Variants in USP28 observed in about 807,000 individuals in gnomAD.
USP28 encodes the protein ubiquitin specific peptidase 28.
Under a neutral mutation model 145.0 loss-of-function variants are expected in USP28, and 113 were observed. The ratio of observed to expected loss-of-function variants is 0.78; its 90% CI spans 0.67 to 0.91. The LOEUF is 0.91. USP28 is among the 40% of genes least tolerant of loss of function. The probability of loss-of-function intolerance (pLI) is 0.00; values close to 1 mark genes in which losing one functional copy is unlikely to be tolerated. For synonymous variants in USP28, 447 were observed against 450.9 expected (o/e 0.99, Z 0.11); for missense variants, 1,201 against 1,289.6 (o/e 0.93, Z 1.05).
intron 3 of USP28, among the ~76,000 whole-genome samples, chr11:113,850,090 G>A (rs1395488354): frequency 6.6e-6 from 1 of 152,090 alleles, no homozygotes; most frequent in Non-Finnish European, 1.5e-5. Flanking sequence ...CACAGGAGAA[G>A]GGTGACAATT....
intron 3 of USP28, among the ~76,000 whole-genome samples, chr11:113,846,881 G>A (rs1160492841): frequency 1.3e-5 from 2 of 152,094 alleles, no homozygotes; most frequent in Non-Finnish European, 2.9e-5. Flanking sequence ...AGTAATCCCA[G>A]CTACTCGGGA....
chr11:113,840,468 TA>T, intron 5 of USP28, 129 bp downstream of exon 5: 1 of 1,196,770 alleles, frequency 8.4e-7, no homozygotes, highest in South Asian at 1.6e-5. Flanking sequence ...CCATACACAA[TA>T]ATGCCAGAAA....
exon 10 of USP28, chr11:113,829,301 G>T: frequency 6.2e-7 from 1 of 1,614,172 alleles, no homozygotes; most frequent in South Asian, 1.1e-5. Flanking sequence ...CCGTTTACCT[G>T]AAGAGGATAC....
At chr11:113,861,463 A>G (rs1947687650) in intron 1 of USP28, among the ~76,000 whole-genome samples, 1 of 152,238 alleles carries the variant, frequency 6.6e-6, no homozygotes, top group East Asian at 1.9e-4. Flanking sequence ...AAAACCATTA[A>G]AAGTGTTTAA....
At chr11:113,852,629 C>T (rs1946599493) in exon 3 of USP28, 2 of 1,613,986 alleles carry the variant, frequency 1.2e-6, no homozygotes, top group East Asian at 4.5e-5. Context: ...GTCACCATTA[C>T]TGGCCTATGG....
chr11:113,817,195 C>T (rs1941867689), intron 13 of USP28, among the ~76,000 whole-genome samples: 1 of 152,098 alleles, frequency 6.6e-6, no homozygotes, highest in Non-Finnish European at 1.5e-5. Context: ...CTAGAGAAGC[C>T]CCTCTAAGCT....
intron 5 of USP28, among the ~76,000 whole-genome samples, chr11:113,836,964 G>C (rs1565427365): frequency 6.6e-6 from 1 of 152,052 alleles, no homozygotes; most frequent in Non-Finnish European, 1.5e-5. Context: ...CCTCTACCTG[G>C]AATGTTTTTT....
At chr11:113,872,341 G>C (rs1948903333) in intron 1 of USP28, among the ~76,000 whole-genome samples, 3 of 152,100 alleles carry the variant, frequency 2.0e-5, no homozygotes, top group Admixed American at 2.0e-4. Context: ...AGAAACATCA[G>C]CCGGGCGTGG....
intron 1 of USP28, among the ~76,000 whole-genome samples, chr11:113,873,138 A>C (rs1281107332): frequency 6.6e-6 from 1 of 152,210 alleles, no homozygotes; most frequent in Admixed American, 6.5e-5. Context: ...AGAGAGTTCA[A>C]AATAAAAGAA....
chr11:113,817,801 C>T (rs150596667), exon 13 of USP28: 59 of 1,614,110 alleles, frequency 3.7e-5, no homozygotes, highest in East Asian at 2.9e-4. Flanking sequence ...TGTCCGGGAG[C>T]GGGAACCGAG....
At chr11:113,812,678 C>A (rs1488413828) in intron 15 of USP28, among the ~76,000 whole-genome samples, 174 bp from the exon 16 acceptor site, 1 of 152,212 alleles carries the variant, frequency 6.6e-6, no homozygotes, top group East Asian at 1.9e-4. Flanking sequence ...TCAATTATGT[C>A]TCAGTTCCAA....
intron 21 of USP28, 112 bp downstream of exon 22, chr11:113,804,561 A>T: frequency 1.1e-6 from 1 of 886,064 alleles, no homozygotes; most frequent in Non-Finnish European, 1.7e-6. Context: ...TTGAGGGGAA[A>T]GTGGAAGAAC....
intron 3 of USP28, among the ~76,000 whole-genome samples, chr11:113,846,981 C>T (rs538487518): frequency 1.3e-5 from 2 of 152,194 alleles, no homozygotes; most frequent in East Asian, 1.9e-4. Flanking sequence ...GGTGACAGAG[C>T]GAGCTTCCTT....
intron 11 of USP28, among the ~76,000 whole-genome samples, chr11:113,826,872 T>C (rs1397266627): frequency 2.0e-5 from 3 of 150,848 alleles, no homozygotes; most frequent in Non-Finnish European, 2.9e-5. Context: ...TGAGCCGAGA[T>C]TGCGCCATTG....
intron 4 of USP28, 33 bp downstream of exon 4, chr11:113,841,630 T>C (rs1945202652): frequency 6.9e-7 from 1 of 1,452,944 alleles, no homozygotes; most frequent in African/African-American, 1.4e-5. Flanking sequence ...CACACAAATG[T>C]GGGGGGCAAG....
intron 1 of USP28, among the ~76,000 whole-genome samples, chr11:113,867,641 T>C (rs973265596): frequency 6.6e-6 from 1 of 151,872 alleles, no homozygotes; most frequent in African/African-American, 2.4e-5. Flanking sequence ...GGCAGAATGA[T>C]CACTTGTGCC....
chr11:113,854,967 G>A (rs1394247809), intron 1 of USP28, among the ~76,000 whole-genome samples: 1 of 152,132 alleles, frequency 6.6e-6, no homozygotes, highest in Non-Finnish European at 1.5e-5. Flanking sequence ...AAGGAGTCCG[G>A]GGAATTTGCA....
At chr11:113,841,494 C>T (rs1354611381) in intron 4 of USP28, among the ~76,000 whole-genome samples, 169 bp downstream of exon 4, 2 of 152,166 alleles carry the variant, frequency 1.3e-5, no homozygotes, top group African/African-American at 2.4e-5. Context: ...TTCAGTTTCG[C>T]TTTTTCAAAA....
intron 2 of USP28, 148 bp from the exon 3 acceptor site, chr11:113,852,781 G>A (rs1946619389): frequency 2.2e-6 from 2 of 906,228 alleles, no homozygotes; most frequent in African/African-American, 3.3e-5. Context: ...TGGACAGTAG[G>A]TCTAATGTGC....
Sources: allele counts gnomAD v4.1 joint callset (sites outside exome capture counted in the v4.1 genomes callset), GRCh38; gene constraint gnomAD v4.1.1; transcripts MANE v1.5; gene names NCBI Gene and HGNC (gene_info 2026-07-23, HGNC 2026-07-21).